Variants in DNAH9 observed in about 807,000 individuals in gnomAD.
DNAH9 encodes dynein axonemal heavy chain 9.
Under a neutral mutation model 471.6 loss-of-function variants are expected in DNAH9, and 345 were observed. The observed-to-expected ratio is 0.73, with a 90% CI of 0.67 to 0.80. The LOEUF is 0.80. Ranked by LOEUF, DNAH9 falls within the 30% of genes least tolerant of loss-of-function variation. The pLI is 0.00. For synonymous variants in DNAH9, 2,093 were observed against 2,123.6 expected (o/e 0.99, Z 0.40); for missense variants, 5,407 against 5,609.2 (o/e 0.96, Z 1.15).
rs536768431 is a variant in DNAH9, at chr17:11,725,255, C to T, written c.5710-2563C>T. On this transcript the variant is annotated intron_variant, in intron 27 of 68. Transcript: ENST00000262442. ...AGGTACACAAACACAACGCCTGGAA[C>T]TTCCATCACCTCCTCAGACAGGATG... is the stretch of plus-strand genomic sequence containing the variant. 2.1e-3 allele frequency among the ~76,000 whole-genome samples: 318 copies of T among 152,336 alleles called. 1 individual carries two copies. Among genetic ancestry groups the T allele is most frequent in the African/African-American group, 7.4e-3 (308 of 41,578 alleles).
chr17:11,646,923 GAAAGA>G, intron 11 of DNAH9, 144 bp from the exon 12 acceptor site: 1 of 644,710 alleles, frequency 1.6e-6, no homozygotes, highest in Middle Eastern at 4.6e-4. Flanking sequence ...CAAAAAGAAA[GAAAGA>G]AATTTGTGGT....
chr17:11,889,448 A>T (rs1972982246), intron 57 of DNAH9, among the ~76,000 whole-genome samples: 1 of 151,504 alleles, frequency 6.6e-6, no homozygotes, highest in South Asian at 2.1e-4. Flanking sequence ...CTGAGCTCAC[A>T]TCCCACGTGG....
Position 11,875,051 on chromosome 17 carries a change from T to C in DNAH9, c.10345T>C (p.Ser3449Pro). 1.2e-6 allele frequency: 2 copies of C among 1,614,136 alleles called. No homozygotes were observed. The highest frequency in any genetic ancestry group is 1.7e-6 in the Non-Finnish European group (2 of 1,180,006). The change falls in exon 53 of 69, where the codon TCC becomes CCC. Residue 3449 changes from serine to proline, a missense_variant. Ser to Pro is a moderately conservative substitution (Grantham distance 74, BLOSUM62 -1). This residue lies in a region of DNAH9 where 4,636 missense variants were observed against 4,900.3 expected (regional missense o/e 0.95). Transcript: ENST00000262442. ...QNEGLPADRM[S>P]VENATILINC... ...CGAGGGCCTCCCAGCCGACCGCATG[T>C]CCGTGGAGAATGCCACCATTCTCAT...
intron 48 of DNAH9, among the ~76,000 whole-genome samples, chr17:11,824,901 C>T (rs866989094): frequency 2.0e-5 from 3 of 151,854 alleles, no homozygotes; most frequent in South Asian, 2.1e-4. Flanking sequence ...TCCTCCTTCT[C>T]CTCTTCCTCC....
At chr17:11,611,109 A>G (rs1385336431) in intron 3 of DNAH9, among the ~76,000 whole-genome samples, 4 of 152,006 alleles carry the variant, frequency 2.6e-5, no homozygotes, top group African/African-American at 4.8e-5. Context: ...CCTCACTCCA[A>G]TTTATTATCG....
In DNAH9 at chr17:11,834,632, A is replaced by G. The variant is rs1239122495; in HGVS notation, c.9247-6A>G. On this transcript the variant is annotated splice_region_variant and splice_polypyrimidine_tract_variant and intron_variant, in intron 48 of 68. Transcript: ENST00000262442. ...TCCTGATAAGTCCCGTGCTTCTCCA[A>G]TGCAGGTGGATGATCTGAAAGCAAA... is the stretch of plus-strand genomic sequence containing the variant. 3.7e-6 allele frequency: 6 copies of G among 1,613,870 alleles called. No homozygotes were observed. In the East Asian group the frequency reaches 6.7e-5, roughly 18 times the overall value.
intron 49 of DNAH9, among the ~76,000 whole-genome samples, chr17:11,843,863 G>GTGTGTGTATATATATATATATATATATA (rs1253794533): frequency 8.6e-5 from 4 of 46,466 alleles, no homozygotes; most frequent in Non-Finnish European, 1.6e-4. Flanking sequence ...GTGTGTGTGT[G>GTGTGTGTATATATATATATATATATATA]TATATATATA....
Position 11,701,122 on chromosome 17 carries a change from G to A in DNAH9, c.5026G>A (p.Val1676Ile). The change falls in exon 24 of 69, where the codon GTA (valine) becomes ATA (isoleucine). Residue 1676 changes from valine to isoleucine, a missense_variant and splice_region_variant. Coordinates refer to ENST00000262442, the MANE Select transcript of DNAH9 (RefSeq NM_001372.4). ...TGTCTAACCTGAGTTGTTCTTTCAG[G>A]TAGAAATATGGCTGAACCATGTCCT... Reference protein sequence around the residue: ...FSEPCDCSGQVEIWLNHVLGH... With the variant: ...FSEPCDCSGQIEIWLNHVLGH... The A allele has an allele frequency of 6.2e-7, 1 of 1,614,090 alleles. No individual in the cohort carries two copies. The highest frequency in any genetic ancestry group is 8.5e-7 in the Non-Finnish European group (1 of 1,179,972).
Position 11,636,694 on chromosome 17 carries a change from A to G in DNAH9, c.1696A>G (p.Lys566Glu). ...RPLVARDTSD[K>E]YLVLIQMFNK... is the part of the protein sequence containing the mutation. ...GCTGGTAGCGAGGGATACATCTGAT[A>G]AATACCTGGTCCTCATCCAAATGTT... The change falls in exon 9 of 69, where the codon AAA becomes GAA. Residue 566 changes from lysine to glutamate, a missense_variant. Transcript: ENST00000262442. 1.2e-6 allele frequency: 2 copies of G among 1,613,606 alleles called. No homozygotes were observed. The highest frequency in any genetic ancestry group is 1.7e-6 in the Non-Finnish European group (2 of 1,179,498).
chr17:11,664,968 G>A lies in DNAH9; in HGVS notation c.2731G>A (p.Glu911Lys). Residue 911 changes from glutamate (E) to lysine (K), a missense_variant and splice_region_variant, in exon 15 of 69, where the codon GAG becomes AAG. By Grantham distance (56) the Glu-to-Lys change is moderately conservative. Transcript: ENST00000262442. ...CCTCAAGTATCTTCTGGAAAATACT[G>A]GTACTTACTGGCTTATGGATGTGGG... ...CSLKYLLENT[E>K]CKAGLTPIFE... 6.2e-7 allele frequency: 1 copy of A among 1,611,334 alleles called. No homozygotes were observed. The highest frequency in any genetic ancestry group is 8.5e-7 in the Non-Finnish European group (1 of 1,178,410).
At chr17:11,728,134 C>G in intron 28 of DNAH9, 4 of 554,870 alleles carry the variant, frequency 7.2e-6, no homozygotes, top group Non-Finnish European at 6.5e-6. Context: ...GAACCATTTA[C>G]TGGCTTTGGG....
chr17:11,864,759 C>T (rs1348537514), intron 50 of DNAH9, among the ~76,000 whole-genome samples: 2 of 151,978 alleles, frequency 1.3e-5, no homozygotes, highest in Admixed American at 6.6e-5. Context: ...TTGAATTTAT[C>T]CCTTTACCAT....
intron 37 of DNAH9, 121 bp downstream of exon 37, chr17:11,768,747 C>A: frequency 8.1e-7 from 1 of 1,228,782 alleles, no homozygotes; most frequent in Non-Finnish European, 1.1e-6. Flanking sequence ...TAGTCATCCC[C>A]AGCTCCATGA....
intron 51 of DNAH9, among the ~76,000 whole-genome samples, chr17:11,871,100 C>A (rs9903258): frequency 6.6e-6 from 1 of 151,904 alleles, no homozygotes; most frequent in East Asian, 1.9e-4. Flanking sequence ...ACTTTGTACA[C>A]ACCCATGACC....
At chr17:11,968,778 A>G (rs1312352073) in intron 68 of DNAH9, among the ~76,000 whole-genome samples, 3 of 152,212 alleles carry the variant, frequency 2.0e-5, no homozygotes, top group Admixed American at 1.3e-4. Context: ...CTGGAAAGCT[A>G]CAGAATACTC....
At position 11,635,425 on chromosome 17, in the gene DNAH9, C is replaced by G. The variant is rs2073144687; in HGVS notation, c.1636-1209C>G. 2.0e-5 allele frequency among the ~76,000 whole-genome samples: 3 copies of G among 148,856 alleles called. 1 individual carries two copies. The South Asian group carries it at 6.3e-4, about 31-fold the overall frequency. ...TGAACTCCTGGCCTCAAGTGATGTG[C>G]CTGCCTCGTCCTTCCAAAGTACTGG... On this transcript the variant is annotated intron_variant, in intron 8 of 68. Transcript: ENST00000262442.
At chr17:11,702,766 A>G (rs2074623482) in intron 24 of DNAH9, among the ~76,000 whole-genome samples, 1 of 152,104 alleles carries the variant, frequency 6.6e-6, no homozygotes, top group South Asian at 2.1e-4. Flanking sequence ...AAGGGGCCAC[A>G]TTGCAGGGGC....
At chr17:11,650,812 C>G (rs2073491051) in intron 12 of DNAH9, among the ~76,000 whole-genome samples, 1 of 152,222 alleles carries the variant, frequency 6.6e-6, no homozygotes, top group Non-Finnish European at 1.5e-5. Flanking sequence ...TGCTATCACA[C>G]TTGTCTCTGT....
chr17:11,851,298 G>A (rs1209336745), intron 49 of DNAH9, among the ~76,000 whole-genome samples: 4 of 152,028 alleles, frequency 2.6e-5, no homozygotes, highest in Non-Finnish European at 4.4e-5. Context: ...TGTATTTTTA[G>A]TACAGATGGG....
Sources: gnomAD v4.1 joint callset for allele counts (sites outside exome capture counted in the v4.1 genomes callset) on GRCh38, gnomAD v4.1.1 for gene constraint, gnomAD v4.1.1 regional missense constraint, MANE v1.5 for transcripts, NCBI Gene and HGNC (gene_info 2026-07-23, HGNC 2026-07-21) for gene names.